Variants in PPP1R12A observed in about 807,000 individuals in gnomAD.
PPP1R12A encodes myosin binding subunit.
Under a neutral mutation model 139.6 loss-of-function variants are expected in PPP1R12A, and 19 were observed. That is an observed-to-expected ratio of 0.14 (90% CI 0.09 to 0.20). The LOEUF is 0.20. Ranked by LOEUF, PPP1R12A falls within the 10% of genes least tolerant of loss-of-function variation. PPP1R12A has a pLI of 1.00. For missense variants in PPP1R12A, 925 were observed against 1,211.5 expected (o/e 0.76, Z 3.51); for synonymous variants, 427 against 420.6 (o/e 1.02, Z -0.19).
intron 14 of PPP1R12A, among the ~76,000 whole-genome samples, chr12:79,804,405 C>T (rs1873567918): frequency 6.6e-6 from 1 of 151,864 alleles, no homozygotes; most frequent in African/African-American, 2.4e-5. Context: ...TATAAAAGTA[C>T]CACTAAATTT....
intron 9 of PPP1R12A, among the ~76,000 whole-genome samples, chr12:79,815,277 C>T (rs1592658323): frequency 6.6e-6 from 1 of 152,126 alleles, no homozygotes; most frequent in African/African-American, 2.4e-5. Flanking sequence ...CAGTGGCTCA[C>T]GCCTGTAACC....
At chr12:79,857,909 C>T (rs1880873105) in intron 2 of PPP1R12A, among the ~76,000 whole-genome samples, 1 of 152,064 alleles carries the variant, frequency 6.6e-6, no homozygotes. Flanking sequence ...AGTGAACATT[C>T]CCATAAATTT....
In PPP1R12A at chr12:79,796,762, T is replaced by C; in HGVS notation, c.2461+20A>G. The C allele has an allele frequency of 6.4e-7, 1 of 1,562,080 alleles. No homozygotes were observed. The highest frequency in any genetic ancestry group is 1.4e-5 in the African/African-American group (1 of 72,796). On this transcript the variant is annotated intron_variant, in intron 17 of 24. Coordinates refer to ENST00000450142, the MANE Select transcript of PPP1R12A (RefSeq NM_002480.3). ...ATTATATGAAGAAAGCAAAGTGTTT[T>C]CAAAATTTGGTATTCTTACCTCTTT...
intron 1 of PPP1R12A, among the ~76,000 whole-genome samples, chr12:79,906,630 T>C (rs1251417031): frequency 6.6e-6 from 1 of 152,042 alleles, no homozygotes; most frequent in African/African-American, 2.4e-5. Context: ...TGTATTTATT[T>C]ATTTATAAAT....
intron 1 of PPP1R12A, among the ~76,000 whole-genome samples, chr12:79,892,638 C>T (rs112293288): frequency 2.0e-5 from 3 of 152,170 alleles, no homozygotes; most frequent in African/African-American, 7.2e-5. Context: ...ATATCACTAT[C>T]CTGTCAAAAG....
intron 1 of PPP1R12A, among the ~76,000 whole-genome samples, chr12:79,920,277 T>C (rs1472017820): frequency 2.0e-5 from 3 of 152,218 alleles, no homozygotes; most frequent in African/African-American, 7.2e-5. Flanking sequence ...GATAAGACAT[T>C]TGTGTTTTCA....
intron 8 of PPP1R12A, among the ~76,000 whole-genome samples, chr12:79,820,291 ATGTT>A (rs1299174071): frequency 2.6e-5 from 4 of 152,210 alleles, no homozygotes; most frequent in Non-Finnish European, 4.4e-5. Flanking sequence ...TGGAATATGA[ATGTT>A]TGTTTATTAT....
At chr12:79,842,818 C>G (rs1317988203) in intron 3 of PPP1R12A, among the ~76,000 whole-genome samples, 1 of 152,120 alleles carries the variant, frequency 6.6e-6, no homozygotes, top group Admixed American at 6.5e-5. Flanking sequence ...ATCCTCCCCC[C>G]TTAGCTGGGA....
At chr12:79,912,693 A>T (rs573597542) in intron 1 of PPP1R12A, among the ~76,000 whole-genome samples, 46 of 138,620 alleles carry the variant, frequency 3.3e-4, no homozygotes, top group South Asian at 9.0e-4. Context: ...AGCCTGATTT[A>T]AAAAAAAAAA....
At chr12:79,797,074 C>A in intron 16 of PPP1R12A, 121 bp downstream of exon 16, 1 of 1,354,826 alleles carries the variant, frequency 7.4e-7, no homozygotes, top group Non-Finnish European at 1.0e-6. Flanking sequence ...TTCAAATTTC[C>A]AGCTAAAATC....
chr12:79,895,758 T>C (rs533383334), intron 1 of PPP1R12A, among the ~76,000 whole-genome samples: 55 of 152,350 alleles, frequency 3.6e-4, no homozygotes, highest in African/African-American at 1.3e-3. Context: ...GTTCAGATTT[T>C]GTCAACAATT....
rs372466417 is a variant in PPP1R12A, at chr12:79,924,270, GTTC to G, written c.237+10422_237+10424del. The stretch of plus-strand genomic sequence containing the variant: ...GAAAAAATCTTGAATATGCTACAGA[GTTC>G]TTAAGTAGATTCCATGTACTTGGAA... On this transcript the variant is annotated intron_variant, in intron 1 of 24. Coordinates refer to ENST00000450142, the MANE Select transcript of PPP1R12A (RefSeq NM_002480.3). 2.9e-3 allele frequency among the ~76,000 whole-genome samples: 441 copies of G among 152,246 alleles called. 3 individuals are homozygous for G. Among genetic ancestry groups the G allele is most frequent in the Non-Finnish European group, 4.4e-3 (300 of 68,014 alleles).
intron 12 of PPP1R12A, 74 bp from the exon 13 acceptor site, chr12:79,806,407 A>T: frequency 7.4e-7 from 1 of 1,352,758 alleles, no homozygotes; most frequent in Non-Finnish European, 1.0e-6. Flanking sequence ...TACATTATAT[A>T]AATTACAAGG....
At chr12:79,794,171 G>A (rs1175405361) in intron 18 of PPP1R12A, among the ~76,000 whole-genome samples, 1 of 151,838 alleles carries the variant, frequency 6.6e-6, no homozygotes, top group African/African-American at 2.4e-5. Context: ...CTTCTATAAA[G>A]TATATGTTTA....
intron 1 of PPP1R12A, among the ~76,000 whole-genome samples, chr12:79,919,654 T>C (rs1887287580): frequency 6.6e-6 from 1 of 152,046 alleles, no homozygotes; most frequent in Non-Finnish European, 1.5e-5. Flanking sequence ...TACACATAAC[T>C]GATGTAAATT....
intron 1 of PPP1R12A, among the ~76,000 whole-genome samples, chr12:79,906,956 G>A (rs750825175): frequency 3.9e-5 from 6 of 152,084 alleles, no homozygotes; most frequent in African/African-American, 1.2e-4. Context: ...CACCGCATCC[G>A]GCCTACAAAT....
At chr12:79,797,774 G>A (rs1016907420) in intron 15 of PPP1R12A, among the ~76,000 whole-genome samples, 2 of 151,962 alleles carry the variant, frequency 1.3e-5, no homozygotes, top group African/African-American at 4.8e-5. Context: ...AAGAGATTTC[G>A]ATAAATTTTT....
intron 3 of PPP1R12A, among the ~76,000 whole-genome samples, chr12:79,840,569 T>C (rs1380573185): frequency 6.6e-6 from 1 of 152,226 alleles, no homozygotes; most frequent in Non-Finnish European, 1.5e-5. Context: ...TGAACTCATC[T>C]AATCATCACT....
chr12:79,811,066 T>G (rs1183199794), intron 9 of PPP1R12A, among the ~76,000 whole-genome samples: 1 of 152,188 alleles, frequency 6.6e-6, no homozygotes, highest in Non-Finnish European at 1.5e-5. Flanking sequence ...CTTCTAGAAA[T>G]TCTATACTCA....
Sources: allele counts gnomAD v4.1 joint callset (sites outside exome capture counted in the v4.1 genomes callset), GRCh38; gene constraint gnomAD v4.1.1; transcripts MANE v1.5; gene names NCBI Gene and HGNC (gene_info 2026-07-23, HGNC 2026-07-21).